The following ZBTB20 variants were observed in gnomAD, a reference collection of about 807,000 sequenced individuals.
ZBTB20 encodes the protein zinc finger and BTB domain containing 20.
Under a neutral mutation model 56.9 loss-of-function variants are expected in ZBTB20, and 9 were observed. The observed-to-expected ratio is 0.16, with a 90% CI of 0.10 to 0.28. ZBTB20 has a LOEUF of 0.28. Among genes scored for constraint, ZBTB20 ranks in the 10% least tolerant of loss-of-function variants. ZBTB20 has a pLI of 1.00. For synonymous variants in ZBTB20, 417 were observed against 420.7 expected (o/e 0.99, Z 0.11); for missense variants, 655 against 1,003.0 (o/e 0.65, Z 4.69).
chr3:114,496,833 T>C (rs2043333224), intron 7 of ZBTB20, among the ~76,000 whole-genome samples: 1 of 152,098 alleles, frequency 6.6e-6, no homozygotes, highest in South Asian at 2.1e-4. Flanking sequence ...TAGGGGGGCA[T>C]TATTTAGAAA....
intron 1 of ZBTB20, among the ~76,000 whole-genome samples, chr3:115,106,289 A>G (rs983284948): frequency 7.1e-6 from 1 of 141,406 alleles, no homozygotes; most frequent in Non-Finnish European, 1.5e-5. Context: ...GCTGTAGTGC[A>G]GTGGCCCGAT....
chr3:114,617,973 C>T (rs144156814), intron 6 of ZBTB20, among the ~76,000 whole-genome samples: 1 of 151,980 alleles, frequency 6.6e-6, no homozygotes, highest in Non-Finnish European at 1.5e-5. Context: ...TTTAAATTTT[C>T]TCCATAGCAC....
chr3:115,055,939 AG>A (rs1245353498), intron 2 of ZBTB20, among the ~76,000 whole-genome samples: 1 of 152,160 alleles, frequency 6.6e-6, no homozygotes, highest in African/African-American at 2.4e-5. Context: ...GCATAATCCA[AG>A]GTAAAGACCC....
At chr3:114,421,674 G>A (rs752375256) in intron 7 of ZBTB20, among the ~76,000 whole-genome samples, 1 of 151,958 alleles carries the variant, frequency 6.6e-6, no homozygotes, top group Non-Finnish European at 1.5e-5. Flanking sequence ...ATTATGATGG[G>A]TTTATAACCT....
intron 6 of ZBTB20, among the ~76,000 whole-genome samples, chr3:114,647,061 C>T (rs987159555): frequency 3.3e-5 from 5 of 152,162 alleles, no homozygotes; most frequent in Admixed American, 2.6e-4. Flanking sequence ...CGGGTTCATG[C>T]CATTCTCCTG....
At position 114,316,672 on chromosome 3, in the gene ZBTB20, T is replaced by C; in HGVS notation, c.*22333A>G. 1 of 409,144 alleles carries C rather than the reference T, an allele frequency of 2.4e-6. No individual in the cohort carries two copies. The allele number at this position is 409,144 out of a possible 1,614,324, so 25.3% of individuals were successfully genotyped here. On this transcript the variant is annotated 3_prime_UTR_variant, in exon 12 of 12. Coordinates refer to ENST00000675478, the MANE Select transcript of ZBTB20 (RefSeq NM_001348800.3). Reference sequence around the variant, plus strand: ...TAAACAGTCTGGAGCTTTAATTTATTTTTTAAAGTGCATTTTCAATGCAGA... The same window carrying C: ...TAAACAGTCTGGAGCTTTAATTTATCTTTTAAAGTGCATTTTCAATGCAGA...
At chr3:114,642,804 A>G (rs2059628097) in intron 6 of ZBTB20, among the ~76,000 whole-genome samples, 1 of 152,052 alleles carries the variant, frequency 6.6e-6, no homozygotes, top group African/African-American at 2.4e-5. Context: ...AATTCCAAGG[A>G]AAAAAAGTGA....
intron 1 of ZBTB20, among the ~76,000 whole-genome samples, chr3:115,137,740 AG>A (rs766111412): frequency 6.6e-6 from 1 of 152,130 alleles, no homozygotes; most frequent in Non-Finnish European, 1.5e-5. Flanking sequence ...CACATCCTCA[AG>A]AAAGTTAACA....
At chr3:114,589,423 T>C (rs1458083056) in intron 6 of ZBTB20, among the ~76,000 whole-genome samples, 2 of 152,196 alleles carry the variant, frequency 1.3e-5, no homozygotes, top group Non-Finnish European at 2.9e-5. Context: ...TCATTTCCAT[T>C]TGGATGCAGG....
intron 7 of ZBTB20, among the ~76,000 whole-genome samples, chr3:114,417,168 C>T (rs945411488): frequency 5.3e-5 from 8 of 151,978 alleles, no homozygotes; most frequent in African/African-American, 9.7e-5. Flanking sequence ...TTCTGGCCCT[C>T]GTATAACTCA....
At chr3:114,438,068 T>TTC (rs1202258219) in intron 7 of ZBTB20, among the ~76,000 whole-genome samples, 4 of 152,164 alleles carry the variant, frequency 2.6e-5, no homozygotes, top group Non-Finnish European at 5.9e-5. Flanking sequence ...TGCCTCCTGC[T>TTC]AATGCCAGTT....
intron 7 of ZBTB20, among the ~76,000 whole-genome samples, chr3:114,461,771 C>T (rs2092341520): frequency 6.6e-6 from 1 of 152,204 alleles, no homozygotes; most frequent in Non-Finnish European, 1.5e-5. Context: ...TTATTCTAGA[C>T]CTACTGAATC....
intron 2 of ZBTB20, among the ~76,000 whole-genome samples, chr3:115,048,036 C>T (rs1345690501): frequency 6.6e-6 from 1 of 151,026 alleles, no homozygotes. Flanking sequence ...CTGGCTAACA[C>T]GGTGAAACCC....
intron 5 of ZBTB20, among the ~76,000 whole-genome samples, chr3:114,757,210 C>G (rs952165356): frequency 1.3e-5 from 2 of 152,104 alleles, no homozygotes; most frequent in African/African-American, 4.8e-5. Context: ...GTCTAAAACT[C>G]CACAGGTATT....
chr3:114,837,888 G>A (rs905683423), intron 4 of ZBTB20, among the ~76,000 whole-genome samples: 5 of 151,878 alleles, frequency 3.3e-5, no homozygotes, highest in African/African-American at 9.7e-5. Flanking sequence ...GAAAAATTTC[G>A]GACTTTCAGT....
In ZBTB20 at chr3:114,320,785, G is replaced by C. The variant is rs1398713212; in HGVS notation, c.*18220C>G. The C allele has an allele frequency of 1.3e-5, 2 of 151,998 alleles. No homozygotes were observed. The highest frequency in any genetic ancestry group is 4.8e-5 in the African/African-American group (2 of 41,376). 9.4% of individuals were successfully genotyped at this position (151,998 alleles called of 1,614,324 possible). A position where few individuals can be genotyped will look rare whatever the true frequency, so the allele number is the denominator to read the frequency against. ...ACAATAGAAAAAAAGTACTCAAATA[G>C]ACATAGCAAATGGACTCTATTCTTA... On this transcript the variant is annotated 3_prime_UTR_variant, in exon 12 of 12. Coordinates refer to ENST00000675478, the MANE Select transcript of ZBTB20 (RefSeq NM_001348800.3).
At chr3:114,566,436 T>C (rs1044155708) in intron 6 of ZBTB20, among the ~76,000 whole-genome samples, 9 of 152,212 alleles carry the variant, frequency 5.9e-5, no homozygotes, top group African/African-American at 2.2e-4. Flanking sequence ...GTCAACCCTA[T>C]GAAGCAAGGA....
chr3:114,361,083 T>C lies in ZBTB20; in HGVS notation c.200-9205A>G, dbSNP rs139852257. On this transcript the variant is annotated intron_variant, in intron 10 of 11. Coordinates refer to ENST00000675478, the MANE Select transcript of ZBTB20 (RefSeq NM_001348800.3). ...TATTTATTATATTATTTACATATTG[T>C]CAAAAAAGACATTGAGCTATAGAAG... is the stretch of plus-strand genomic sequence containing the variant. Among the ~76,000 whole-genome samples, 590 of 152,252 alleles carry C rather than the reference T, an allele frequency of 3.9e-3. 2 individuals carry two copies. The highest frequency in any genetic ancestry group is 0.014 in the African/African-American group (564 of 41,562).
intron 6 of ZBTB20, among the ~76,000 whole-genome samples, chr3:114,525,102 C>T (rs1374640469): frequency 6.6e-6 from 1 of 152,130 alleles, no homozygotes; most frequent in East Asian, 1.9e-4. Flanking sequence ...GATTAATGTT[C>T]TTCATGGCAC....
Sources: allele counts gnomAD v4.1 joint callset (sites outside exome capture counted in the v4.1 genomes callset), GRCh38; gene constraint gnomAD v4.1.1; transcripts MANE v1.5; gene names NCBI Gene and HGNC (gene_info 2026-07-23, HGNC 2026-07-21).